SLC3A2: variants seen among roughly 807,000 people sequenced by gnomAD.
SLC3A2 encodes the protein solute carrier family 3 member 2.
In SLC3A2, 32 loss-of-function variants were observed where a neutral mutation model predicts 48.5. The ratio of observed to expected loss-of-function variants is 0.66; its 90% CI spans 0.50 to 0.89. SLC3A2 has a LOEUF of 0.89. SLC3A2 is among the 40% of genes least tolerant of loss of function. The pLI is 0.00. For missense variants in SLC3A2, 587 were observed against 680.7 expected, an observed-to-expected ratio of 0.86 and a Z score of 1.53; for synonymous variants, 277 against 288.8, an observed-to-expected ratio of 0.96 and a Z score of 0.41.
upstream of SLC3A2, among the ~76,000 whole-genome samples, chr11:62,877,737 G>A (rs1404605429): frequency 6.6e-6 from 1 of 152,250 alleles, no homozygotes; most frequent in Non-Finnish European, 1.5e-5. Context: ...GCCTGAAAAA[G>A]CCTGGTGTGT....
chr11:62,881,336 C>A lies in SLC3A2; in HGVS notation c.313C>A (p.Arg105=), dbSNP rs2085635478. The change falls in exon 1 of 9, where the codon CGA becomes AGA. Residue 105 remains arginine, a synonymous_variant. Coordinates refer to ENST00000338663, the MANE Select transcript of SLC3A2 (RefSeq NM_001013251.3). The surrounding 1 kb of genome is among the most constrained non-coding windows in gnomAD (Gnocchi z 4.0). ...TGCTGGTGCCGTGGTCATAATCGTG[C>A]GAGCGCCGCGTTGTCGCGAGCTACC... ...MLAGAVVIIV[R]APRCRELPAQ... is the part of the protein sequence containing the mutation. The A allele has an allele frequency of 6.3e-7, 1 of 1,586,934 alleles. No individual in the cohort carries two copies.
intron 1 of SLC3A2, among the ~76,000 whole-genome samples, chr11:62,871,916 T>C (rs974307012): frequency 1.3e-5 from 2 of 151,816 alleles, no homozygotes; most frequent in Non-Finnish European, 2.9e-5. Context: ...TTTATTATTA[T>C]TATTATTATT....
intron 1 of SLC3A2, among the ~76,000 whole-genome samples, chr11:62,872,149 T>C (rs1422299850): frequency 1.3e-5 from 2 of 152,086 alleles, no homozygotes; most frequent in African/African-American, 4.8e-5. Context: ...TCTCCTGACC[T>C]TGTGATCCGT....
intron 2 of SLC3A2, 142 bp downstream of exon 2, chr11:62,882,208 C>A: frequency 2.1e-6 from 2 of 946,758 alleles, no homozygotes; most frequent in Non-Finnish European, 1.6e-6. Context: ...TAGTCTTCAG[C>A]CTAAAATGGA....
At position 62,881,693 on chromosome 11, in the gene SLC3A2, GAAGCCAGT is replaced by G; in HGVS notation, c.425-199_425-192del. On this transcript the variant is annotated intron_variant, in intron 1 of 8. Coordinates refer to ENST00000338663, the MANE Select transcript of SLC3A2 (RefSeq NM_001013251.3). This position sits in a 1 kb window ranked among gnomAD's most constrained non-coding sequence, Gnocchi z 4.0. ...AGCGTCCTCCTTCCCCGCGGCGCCA[GAAGCCAGT>G]TGCAACCGGTTTCTGAAGTAATGTG... 1 of 836,586 alleles carries G rather than the reference GAAGCCAGT, an allele frequency of 1.2e-6. No individual in the cohort carries two copies. The highest frequency in any genetic ancestry group is 1.8e-6 in the Non-Finnish European group (1 of 555,594). The allele number at this position is 836,586 out of a possible 1,614,324, so 51.8% of individuals were successfully genotyped here. A position where few individuals can be genotyped will look rare whatever the true frequency, so the allele number is the denominator to read the frequency against.
Position 62,880,898 on chromosome 11 carries a change from A to C in SLC3A2, c.-126A>C, listed in dbSNP as rs554384282. 1 of 1,440,874 alleles carries C rather than the reference A, an allele frequency of 6.9e-7. No individual in the cohort carries two copies. Among genetic ancestry groups the C allele is most frequent in the East Asian group, 2.5e-5 (1 of 40,720 alleles). The allele number at this position is 1,440,874 out of a possible 1,614,324, so 89.3% of individuals were successfully genotyped here. On this transcript the variant is annotated 5_prime_UTR_variant, in exon 1 of 9. The change abolishes an upstream ATG in the 5' untranslated region. Coordinates refer to ENST00000338663, the MANE Select transcript of SLC3A2 (RefSeq NM_001013251.3). ...AGAGGCCGCGCCTGCTGCTGAGCAG[A>C]TGCAGTAGCCGAAACTGCGCGGAGG...
rs1217759076 is a variant in SLC3A2, at chr11:62,888,508, G to C, written c.1405G>C (p.Gly469Arg). 6.2e-7 allele frequency: 1 copy of C among 1,614,224 alleles called. No individual in the cohort carries two copies. The highest frequency in any genetic ancestry group is 8.5e-7 in the Non-Finnish European group (1 of 1,180,038). Residue 469 changes from glycine to arginine, a missense_variant, in exon 9 of 9, where the codon GGG (glycine) becomes CGG (arginine). This residue lies in a region of SLC3A2 where 169 missense variants were observed against 204.4 expected (regional missense o/e 0.83). Transcript: ENST00000338663. The part of the protein sequence containing the change: ...NERFLVVLNF[G>R]DVGLSAGLQA... The stretch of plus-strand genomic sequence containing the variant: ...GCGTTTTCTGGTAGTGCTTAACTTT[G>C]GGGATGTGGGCCTCTCGGCTGGACT...
intron 1 of SLC3A2, among the ~76,000 whole-genome samples, chr11:62,864,123 G>T (rs1042097115): frequency 9.9e-5 from 15 of 152,088 alleles, no homozygotes; most frequent in Admixed American, 2.6e-4. Context: ...GTCTTTAATG[G>T]TGGCACTAAT....
chr11:62,880,870 C>T (rs922397720), upstream of SLC3A2: 10 of 1,415,030 alleles, frequency 7.1e-6, no homozygotes, highest in African/African-American at 1.3e-4. Flanking sequence ...GCTGCCCCTT[C>T]CCAGAGGCCG....
chr11:62,856,979 G>A (rs1390548765), intron 1 of SLC3A2, among the ~76,000 whole-genome samples: 1 of 149,738 alleles, frequency 6.7e-6, no homozygotes, highest in Admixed American at 6.6e-5. Flanking sequence ...ATGCGCCACT[G>A]TGACCGGCTA....
At chr11:62,878,624 CCTGG>C (rs1211708924), upstream of SLC3A2, among the ~76,000 whole-genome samples, 2 of 150,562 alleles carry the variant, frequency 1.3e-5, no homozygotes, top group African/African-American at 4.9e-5. Context: ...CGCCACCACG[CCTGG>C]CTGATTTTTT....
At chr11:62,875,055 A>G (rs1277091084) in intron 1 of SLC3A2, among the ~76,000 whole-genome samples, 2 of 152,128 alleles carry the variant, frequency 1.3e-5, no homozygotes, top group African/African-American at 4.8e-5. Context: ...GAGCCACCAC[A>G]CTGGCCTCAT....
chr11:62,888,595 A>C lies in SLC3A2; in HGVS notation c.1492A>C (p.Thr498Pro), dbSNP rs1590640816. The change falls in exon 9 of 9, where the codon ACC becomes CCC. Residue 498 changes from threonine to proline, a missense_variant. Physicochemically the swap from Thr to Pro is conservative, Grantham distance 38. Transcript: ENST00000338663. ...AGCCAAGGCTGACCTCCTGCTCAGCACCCAGCCAGGCCGTGAGGAGGGCTC... is the reference window on the plus strand; with the variant it reads ...AGCCAAGGCTGACCTCCTGCTCAGCCCCCAGCCAGGCCGTGAGGAGGGCTC... ...LPAKADLLLS[T>P]QPGREEGSPL... The C allele has an allele frequency of 6.2e-7, 1 of 1,613,180 alleles. No individual in the cohort carries two copies. The highest frequency in any genetic ancestry group is 8.5e-7 in the Non-Finnish European group (1 of 1,180,026).
At chr11:62,873,042 G>C (rs2085533564) in intron 1 of SLC3A2, among the ~76,000 whole-genome samples, 1 of 151,624 alleles carries the variant, frequency 6.6e-6, no homozygotes, top group Admixed American at 6.6e-5. Flanking sequence ...ATATTTTTCA[G>C]ACAGGGTCTC....
At chr11:62,880,882 G>A (rs2085624208), upstream of SLC3A2, 7 of 1,421,744 alleles carry the variant, frequency 4.9e-6, no homozygotes, top group Admixed American at 1.5e-4. Context: ...CAGAGGCCGC[G>A]CCTGCTGCTG....
intron 3 of SLC3A2, chr11:62,883,798 T>G: frequency 2.9e-6 from 1 of 349,762 alleles, no homozygotes; most frequent in Non-Finnish European, 5.7e-6. Context: ...GAGGAGAGAG[T>G]ACATGGCCCA....
At chr11:62,859,141 A>G (rs1396264514) in intron 1 of SLC3A2, among the ~76,000 whole-genome samples, 1 of 151,998 alleles carries the variant, frequency 6.6e-6, no homozygotes, top group Non-Finnish European at 1.5e-5. Context: ...ATGGGGAGAA[A>G]CCTTGGACAA....
chr11:62,870,844 A>G (rs2085505266), intron 1 of SLC3A2: 1 of 104,648 alleles, frequency 9.6e-6, no homozygotes, highest in Non-Finnish European at 1.6e-5. Context: ...ATAGGTAATA[A>G]TAATAATAAT....
In SLC3A2 at chr11:62,885,539, C is replaced by T. The variant is rs1447464348; in HGVS notation, c.1074C>T (p.Thr358=). ...LLRLYQLMLF[T]LPGTPVFSYG... ...GACTCTACCAGCTGATGCTCTTCACCCTGCCAGGGACCCCTGTTTTCAGCT... is the reference window on the plus strand; with the variant it reads ...GACTCTACCAGCTGATGCTCTTCACTCTGCCAGGGACCCCTGTTTTCAGCT... The change falls in exon 7 of 9, where the codon ACC becomes ACT. Residue 358 remains threonine (T), a synonymous_variant. Coordinates refer to ENST00000338663, the MANE Select transcript of SLC3A2 (RefSeq NM_001013251.3). The T allele has an allele frequency of 6.2e-7, 1 of 1,614,096 alleles. No individual in the cohort carries two copies. Among genetic ancestry groups the T allele is most frequent in the Non-Finnish European group, 8.5e-7 (1 of 1,180,048 alleles).
Sources: gnomAD v4.1 joint callset for allele counts (sites outside exome capture counted in the v4.1 genomes callset) on GRCh38, gnomAD v4.1.1 for gene constraint, gnomAD v4.1.1 regional missense constraint, Gnocchi (gnomAD v3.1) non-coding constraint, MANE v1.5 for transcripts, NCBI Gene and HGNC (gene_info 2026-07-23, HGNC 2026-07-21) for gene names.